The following TENM4 variants were observed in gnomAD, a reference collection of about 807,000 sequenced individuals.
TENM4 encodes teneurin-4.
In TENM4, 82 loss-of-function variants were observed where a neutral mutation model predicts 243.3. The observed-to-expected ratio is 0.34, with a 90% CI of 0.28 to 0.40. The LOEUF is 0.40. Among genes scored for constraint, TENM4 ranks in the 10% least tolerant of loss-of-function variants. The pLI is 1.00. For synonymous variants in TENM4, 1,412 were observed against 1,456.3 expected, an observed-to-expected ratio of 0.97 and a Z score of 0.69; for missense variants, 3,138 against 3,673.3, an observed-to-expected ratio of 0.85 and a Z score of 3.77.
At chr11:79,037,521 A>G (rs1859418880) in intron 6 of TENM4, among the ~76,000 whole-genome samples, 1 of 152,038 alleles carries the variant, frequency 6.6e-6, no homozygotes, top group Admixed American at 6.6e-5. Flanking sequence ...ATTCCTTACA[A>G]TTTTCACAGT....
chr11:78,809,229 G>C (rs561052), intron 14 of TENM4, among the ~76,000 whole-genome samples: 113,055 of 152,092 alleles, frequency 0.74, 43,370 homozygotes, highest in Non-Finnish European at 0.85. Context: ...GATGGCCCAG[G>C]CAGAGAACAA....
intron 9 of TENM4, among the ~76,000 whole-genome samples, chr11:78,874,689 T>C (rs1284737017): frequency 1.3e-5 from 2 of 152,006 alleles, no homozygotes; most frequent in Non-Finnish European, 2.9e-5. Context: ...GCAAAGAGAG[T>C]TGGAATCAAG....
intron 6 of TENM4, among the ~76,000 whole-genome samples, chr11:79,039,488 C>T (rs1048161818): frequency 2.6e-5 from 4 of 152,198 alleles, no homozygotes; most frequent in African/African-American, 7.2e-5. Context: ...ACTGCAGATC[C>T]TCAGATGTGG....
Position 78,712,463 on chromosome 11 carries a change from C to T in TENM4, c.4054+19G>A, listed in dbSNP as rs1227829542. ...CCCCAATAAATGTTATTGACAATGT[C>T]TCTAAGGCAAGGCCTTACCCCTGGG... On this transcript the variant is annotated intron_variant, in intron 26 of 33. Transcript: ENST00000278550. 1.2e-6 allele frequency: 2 copies of T among 1,604,826 alleles called. No individual in the cohort carries two copies. Among genetic ancestry groups the T allele is most frequent in the East Asian group, 2.2e-5 (1 of 44,654 alleles).
At chr11:79,148,603 G>T (rs981000524) in intron 4 of TENM4, 107 bp downstream of exon 4, 30 of 186,288 alleles carry the variant, frequency 1.6e-4, no homozygotes, top group Non-Finnish European at 2.9e-4. Flanking sequence ...AATAAATGAA[G>T]ATAAAGTCTA....
chr11:78,989,753 G>A (rs555140319), intron 6 of TENM4, among the ~76,000 whole-genome samples: 1 of 152,248 alleles, frequency 6.6e-6, no homozygotes, highest in African/African-American at 2.4e-5. Flanking sequence ...CTAGCGTGGA[G>A]TATAAAAATG....
intron 1 of TENM4, among the ~76,000 whole-genome samples, chr11:79,368,092 C>G (rs1446267026): frequency 6.6e-6 from 1 of 152,022 alleles, no homozygotes; most frequent in Non-Finnish European, 1.5e-5. Context: ...AGGAAGGCAC[C>G]AACGCCAGAG....
At chr11:79,099,757 G>T (rs149666256) in intron 4 of TENM4, among the ~76,000 whole-genome samples, 1 of 152,326 alleles carries the variant, frequency 6.6e-6, no homozygotes, top group Non-Finnish European at 1.5e-5. Context: ...GTTGGCCATA[G>T]CCATGATTGC....
intron 4 of TENM4, among the ~76,000 whole-genome samples, chr11:79,132,259 T>C (rs187788911): frequency 1.5e-3 from 213 of 141,990 alleles, no homozygotes; most frequent in African/African-American, 5.1e-3. Context: ...GGCAGGAGAA[T>C]AGCGTGAACC....
chr11:79,077,721 G>C lies in TENM4; in HGVS notation c.-65-7712C>G, dbSNP rs1455146093. The stretch of plus-strand genomic sequence containing the variant: ...AGTTCAGACTCTGGGGAGGGAAAGA[G>C]GTTGGAGAGAAAGCTTGAGAAGTGA... On this transcript the variant is annotated intron_variant, in intron 4 of 33. Coordinates refer to ENST00000278550, the MANE Select transcript of TENM4 (RefSeq NM_001098816.3). 2.0e-5 allele frequency among the ~76,000 whole-genome samples: 3 copies of C among 152,226 alleles called. No individual in the cohort carries two copies. The East Asian group carries it at 5.8e-4, about 29-fold the overall frequency.
chr11:78,799,845 G>A (rs1327883387), intron 15 of TENM4, among the ~76,000 whole-genome samples: 1 of 152,148 alleles, frequency 6.6e-6, no homozygotes, highest in Non-Finnish European at 1.5e-5. Flanking sequence ...CAACCCTAAG[G>A]AATAAAATAT....
chr11:78,900,437 G>A (rs1021997595), intron 7 of TENM4, among the ~76,000 whole-genome samples: 4 of 152,146 alleles, frequency 2.6e-5, no homozygotes, highest in African/African-American at 9.7e-5. Context: ...GTAGAGAAGA[G>A]GTAGAACCTA....
intron 6 of TENM4, among the ~76,000 whole-genome samples, chr11:78,959,280 C>T (rs1416196385): frequency 7.2e-5 from 11 of 152,156 alleles, no homozygotes; most frequent in Admixed American, 7.2e-4. Flanking sequence ...TGAATGTTAA[C>T]AAGCATTGCT....
At chr11:79,397,712 A>G (rs1858374649) in intron 1 of TENM4, among the ~76,000 whole-genome samples, 1 of 152,182 alleles carries the variant, frequency 6.6e-6, no homozygotes, top group African/African-American at 2.4e-5. Flanking sequence ...GGATCACAGT[A>G]CTTCTATTGG....
intron 2 of TENM4, among the ~76,000 whole-genome samples, chr11:79,268,512 G>A (rs1289870644): frequency 6.6e-6 from 1 of 152,166 alleles, no homozygotes; most frequent in Non-Finnish European, 1.5e-5. Context: ...ATAAGGTAGA[G>A]TCAGTCCTTA....
At chr11:79,175,073 C>T (rs1292554799) in intron 3 of TENM4, among the ~76,000 whole-genome samples, 2 of 151,908 alleles carry the variant, frequency 1.3e-5, no homozygotes, top group African/African-American at 4.8e-5. Flanking sequence ...CTTTGCTGTC[C>T]CCATCAGACT....
intron 2 of TENM4, among the ~76,000 whole-genome samples, chr11:79,272,872 T>C (rs1218785014): frequency 6.6e-6 from 1 of 152,196 alleles, no homozygotes; most frequent in Non-Finnish European, 1.5e-5. Context: ...ATATCGTGTT[T>C]ACCACTGAGC....
intron 27 of TENM4, among the ~76,000 whole-genome samples, chr11:78,706,352 G>T (rs1244686214): frequency 6.6e-6 from 1 of 152,060 alleles, no homozygotes; most frequent in Non-Finnish European, 1.5e-5. Context: ...TTGGGCCTGG[G>T]TTTGTCTCCT....
chr11:78,779,550 G>A (rs1423872796), intron 16 of TENM4, among the ~76,000 whole-genome samples: 1 of 152,182 alleles, frequency 6.6e-6, no homozygotes. Context: ...TTAGAGCAGG[G>A]CAGGCCTCTT....
Sources: gnomAD v4.1 joint callset for allele counts (sites outside exome capture counted in the v4.1 genomes callset) on GRCh38, gnomAD v4.1.1 for gene constraint, MANE v1.5 for transcripts, NCBI Gene and HGNC (gene_info 2026-07-23, HGNC 2026-07-21) for gene names.